Variants in GABRA2 observed in about 807,000 individuals in gnomAD.
The protein encoded by GABRA2 is gamma-aminobutyric acid receptor subunit alpha-2.
Under a neutral mutation model 48.7 loss-of-function variants are expected in GABRA2, and 16 were observed. The ratio of observed to expected loss-of-function variants is 0.33; its 90% CI spans 0.22 to 0.50. The LOEUF (loss-of-function observed/expected upper bound fraction) is 0.50, where lower values mean the gene tolerates loss of function less well. Ranked by LOEUF, GABRA2 falls within the 20% of genes least tolerant of loss-of-function variation. The probability of loss-of-function intolerance (pLI) is 0.98; values close to 1 mark genes in which losing one functional copy is unlikely to be tolerated. For missense variants in GABRA2, 275 were observed against 535.6 expected, an observed-to-expected ratio of 0.51 and a Z score of 4.80; for synonymous variants, 185 against 184.5, an observed-to-expected ratio of 1.00 and a Z score of -0.02.
In GABRA2 at chr4:46,245,048, TGTTTC is replaced by T. The variant is rs1713460960; in HGVS notation, c.*5255_*5259del. ...GTTGTTTTTTGTTTTTTTGTTTGTT[TGTTTC>T]GTTTACCTTTCCTATAATATATGTA... On this transcript the variant is annotated 3_prime_UTR_variant, in exon 10 of 10. Transcript: ENST00000381620. 6.6e-6 allele frequency among the ~76,000 whole-genome samples: 1 copy of T among 151,362 alleles called. No individual in the cohort carries two copies. The highest frequency in any genetic ancestry group is 1.5e-5 in the Non-Finnish European group (1 of 67,538).
intron 9 of GABRA2, among the ~76,000 whole-genome samples, chr4:46,259,836 G>A (rs950092522): frequency 6.6e-6 from 1 of 151,642 alleles, no homozygotes; most frequent in Non-Finnish European, 1.5e-5. Context: ...TTAAGTCTAA[G>A]GAATATTAAG....
intron 8 of GABRA2, among the ~76,000 whole-genome samples, chr4:46,288,836 A>G (rs10212704): frequency 0.38 from 57,292 of 151,892 alleles, 11,504 homozygotes; most frequent in East Asian, 0.5. Flanking sequence ...TCTAACATCC[A>G]GCATCTATAA....
Position 46,315,942 on chromosome 4 carries a change from T to TAC in GABRA2, c.256-3228_256-3227dup, listed in dbSNP as rs969052829. ...TGTACTTTCACATTTAGTACATATATACACACACACACACACACACACATA... is the reference window on the plus strand; with the variant it reads ...TGTACTTTCACATTTAGTACATATATACACACACACACACACACACACACATA... On this transcript the variant is annotated intron_variant, in intron 4 of 9. Coordinates refer to ENST00000381620, the MANE Select transcript of GABRA2 (RefSeq NM_000807.4). 2.4e-3 allele frequency among the ~76,000 whole-genome samples: 355 copies of TAC among 148,318 alleles called. 1 individual carries two copies. The highest frequency in any genetic ancestry group is 8.1e-3 in the East Asian group (40 of 4,964).
intron 7 of GABRA2, among the ~76,000 whole-genome samples, chr4:46,304,596 T>C (rs778601546): frequency 5.3e-5 from 8 of 151,962 alleles, no homozygotes; most frequent in Non-Finnish European, 1.0e-4. Flanking sequence ...TAGTCATAAA[T>C]TATCTAGAAT....
chr4:46,350,284 A>G (rs1734901770), intron 3 of GABRA2, among the ~76,000 whole-genome samples: 1 of 151,936 alleles, frequency 6.6e-6, no homozygotes, highest in Non-Finnish European at 1.5e-5. Context: ...CAAACCATGT[A>G]TATGTACTAC....
chr4:46,247,230 A>G lies in GABRA2; in HGVS notation c.*3078T>C, dbSNP rs1172570377. On this transcript the variant is annotated 3_prime_UTR_variant, in exon 10 of 10. Transcript: ENST00000381620. ...TTTAAAAAATATATATTAAATGGTT[A>G]TATTTCTTCCATTTTATAATCAAAC... Among the ~76,000 whole-genome samples the G allele has an allele frequency of 6.6e-6, 1 of 151,202 alleles. No homozygotes were observed. Among genetic ancestry groups the G allele is most frequent in the Non-Finnish European group, 1.5e-5 (1 of 67,456 alleles).
chr4:46,292,046 G>T (rs2196882), intron 8 of GABRA2, among the ~76,000 whole-genome samples: 57,013 of 151,304 alleles, frequency 0.38, 11,388 homozygotes, highest in East Asian at 0.52. Context: ...AGAGAGTTAC[G>T]CCAAATGAGT....
At chr4:46,318,955 A>G (rs1262555296) in intron 4 of GABRA2, among the ~76,000 whole-genome samples, 2 of 151,732 alleles carry the variant, frequency 1.3e-5, no homozygotes, top group Non-Finnish European at 3.0e-5. Flanking sequence ...ACAGATGGGA[A>G]TATAGATAAA....
chr4:46,376,753 TC>T (rs1560601272), intron 3 of GABRA2, among the ~76,000 whole-genome samples: 19 of 151,032 alleles, frequency 1.3e-4, no homozygotes, highest in Non-Finnish European at 2.5e-4. Context: ...CCTCTCCCTC[TC>T]CCTCTCCCTC....
chr4:46,377,249 G>T (rs529637933), intron 3 of GABRA2, among the ~76,000 whole-genome samples: 25 of 150,672 alleles, frequency 1.7e-4, no homozygotes, highest in African/African-American at 6.1e-4. Context: ...TGGAAAGTGA[G>T]GAGCATCTCT....
chr4:46,276,002 T>C (rs548956), intron 8 of GABRA2, among the ~76,000 whole-genome samples: 95,353 of 151,920 alleles, frequency 0.63, 30,611 homozygotes, highest in South Asian at 0.76. Flanking sequence ...CTTAGCCTTA[T>C]AAAAAGTAGA....
intron 3 of GABRA2, among the ~76,000 whole-genome samples, chr4:46,374,460 C>T (rs146572021): frequency 2.8e-4 from 43 of 152,246 alleles, no homozygotes; most frequent in African/African-American, 1.0e-3. Context: ...CATTATAAAA[C>T]ACAATCTAAA....
chr4:46,382,698 C>T (rs1279392389), intron 3 of GABRA2, among the ~76,000 whole-genome samples: 5 of 152,096 alleles, frequency 3.3e-5, no homozygotes, highest in South Asian at 4.1e-4. Context: ...AATGGACTCT[C>T]CTTCTCTCAG....
chr4:46,389,841 GAGAGAGA>G lies in GABRA2; in HGVS notation c.-124_-118del. On this transcript the variant is annotated 5_prime_UTR_variant, in exon 1 of 10. Coordinates refer to ENST00000381620, the MANE Select transcript of GABRA2 (RefSeq NM_000807.4). Reference sequence around the variant, plus strand: ...AGAGAGAGAGAGAGAGAGAGAGAGAGAGAGAGAGAGAGAGAGAGAGACCGAGACTGCA... The same window carrying G: ...AGAGAGAGAGAGAGAGAGAGAGAGAGGAGAGAGAGAGAGACCGAGACTGCA... The G allele has an allele frequency of 1.0e-6, 1 of 978,346 alleles. No homozygotes were observed. Among genetic ancestry groups the G allele is most frequent in the African/African-American group, 1.8e-5 (1 of 55,202 alleles). The allele number at this position is 978,346 out of a possible 1,614,324, so 60.6% of individuals were successfully genotyped here. A position where few individuals can be genotyped will look rare whatever the true frequency, so the allele number is the denominator to read the frequency against.
At chr4:46,253,363 C>T (rs1007093973) in intron 9 of GABRA2, among the ~76,000 whole-genome samples, 3 of 151,346 alleles carry the variant, frequency 2.0e-5, no homozygotes, top group South Asian at 2.1e-4. Flanking sequence ...TCAGAACTGA[C>T]GTTGGCTGTA....
chr4:46,301,243 T>C (rs1462272607), intron 8 of GABRA2, among the ~76,000 whole-genome samples: 1 of 152,230 alleles, frequency 6.6e-6, no homozygotes, highest in Non-Finnish European at 1.5e-5. Flanking sequence ...AGATGTATTC[T>C]ATTCCCCAAA....
At chr4:46,272,242 C>A (rs765563115) in intron 8 of GABRA2, among the ~76,000 whole-genome samples, 6 of 151,812 alleles carry the variant, frequency 4.0e-5, no homozygotes, top group African/African-American at 1.5e-4. Context: ...CAACTGTAAA[C>A]CCCAATAAAT....
At chr4:46,321,328 G>C (rs73812848) in intron 4 of GABRA2, among the ~76,000 whole-genome samples, 1 of 151,960 alleles carries the variant, frequency 6.6e-6, no homozygotes, top group African/African-American at 2.4e-5. Context: ...AAAACATAAC[G>C]ACTATAATTA....
chr4:46,288,397 A>G lies in GABRA2; in HGVS notation c.856+15063T>C, dbSNP rs375794537. Among the ~76,000 whole-genome samples the G allele has an allele frequency of 3.9e-5, 6 of 152,156 alleles. No individual in the cohort carries two copies. In the East Asian group the frequency reaches 1.2e-3, roughly 29 times the overall value. On this transcript the variant is annotated intron_variant, in intron 8 of 9. Transcript: ENST00000381620. ...GTTTTTCAGAAATAGGATGATGTCA[A>G]CTGCAAACAGGCTTCGTACCTACAC...
Sources: allele counts gnomAD v4.1 joint callset (sites outside exome capture counted in the v4.1 genomes callset), GRCh38; gene constraint gnomAD v4.1.1; transcripts MANE v1.5; gene names NCBI Gene and HGNC (gene_info 2026-07-23, HGNC 2026-07-21).